The following GNAI3 variants were observed in gnomAD, a reference collection of about 807,000 sequenced individuals.
GNAI3 encodes the protein G protein subunit alpha i3.
Under a neutral mutation model 41.8 loss-of-function variants are expected in GNAI3, and 12 were observed. The ratio of observed to expected loss-of-function variants is 0.29; its 90% CI spans 0.18 to 0.47. The LOEUF (loss-of-function observed/expected upper bound fraction) is 0.47. Among genes scored for constraint, GNAI3 ranks in the 20% least tolerant of loss-of-function variants. The probability of loss-of-function intolerance (pLI) is 1.00; values close to 1 mark genes in which losing one functional copy is unlikely to be tolerated. For synonymous variants in GNAI3, 132 were observed against 146.5 expected (o/e 0.90, Z 0.71); for missense variants, 360 against 429.6 (o/e 0.84, Z 1.43).
At chr1:109,577,972 A>T (rs1648792860) in intron 3 of GNAI3, among the ~76,000 whole-genome samples, 1 of 152,126 alleles carries the variant, frequency 6.6e-6, no homozygotes. Flanking sequence ...ATACTTTTTA[A>T]ATTTTTTATT....
rs950445209 is a variant in GNAI3, at chr1:109,596,966, G to GT, written c.*4647dup. The GT allele has an allele frequency of 6.6e-6, 1 of 152,134 alleles. No individual in the cohort carries two copies. The highest frequency in any genetic ancestry group is 2.4e-5 in the African/African-American group (1 of 41,432). The allele number at this position is 152,134 out of a possible 1,614,324, so 9.4% of individuals were successfully genotyped here. On this transcript the variant is annotated 3_prime_UTR_variant, in exon 9 of 9. Coordinates refer to ENST00000369851, the MANE Select transcript of GNAI3 (RefSeq NM_006496.4). ...ATCCAAATCTCTTGGGACCAGAAGT[G>GT]TTTGAGAGTTCAGATTTTTGTGAGG...
At chr1:109,572,145 A>C (rs1392674381) in intron 1 of GNAI3, among the ~76,000 whole-genome samples, 1 of 151,838 alleles carries the variant, frequency 6.6e-6, no homozygotes, top group African/African-American at 2.4e-5. Flanking sequence ...CCCTGTCTCT[A>C]CTAAAAATAC....
At chr1:109,581,331 C>T (rs903830701) in intron 4 of GNAI3, among the ~76,000 whole-genome samples, 5 of 150,816 alleles carry the variant, frequency 3.3e-5, no homozygotes, top group African/African-American at 4.9e-5. Flanking sequence ...TGAAAGAAAA[C>T]GGAAAATATT....
At chr1:109,568,021 A>G (rs925700017) in intron 1 of GNAI3, among the ~76,000 whole-genome samples, 4 of 151,686 alleles carry the variant, frequency 2.6e-5, no homozygotes, top group African/African-American at 9.7e-5. Flanking sequence ...AATTTTTAAA[A>G]TCAGTCTGTA....
At chr1:109,589,662 C>T (rs1327738289) in intron 7 of GNAI3, among the ~76,000 whole-genome samples, 1 of 151,992 alleles carries the variant, frequency 6.6e-6, no homozygotes, top group East Asian at 1.9e-4. Context: ...ATTACTTACC[C>T]AAGAAAAGGA....
At chr1:109,557,054 G>A (rs1330647037) in intron 1 of GNAI3, among the ~76,000 whole-genome samples, 5 of 152,158 alleles carry the variant, frequency 3.3e-5, no homozygotes, top group Non-Finnish European at 7.4e-5. Flanking sequence ...TCATGCCTCA[G>A]CCTTCTGCGT....
intron 1 of GNAI3, among the ~76,000 whole-genome samples, chr1:109,557,804 T>C (rs1340107004): frequency 6.6e-6 from 1 of 152,182 alleles, no homozygotes; most frequent in African/African-American, 2.4e-5. Flanking sequence ...CCTTGTCATC[T>C]GCCAACCACA....
intron 1 of GNAI3, among the ~76,000 whole-genome samples, chr1:109,561,595 C>T (rs1648312458): frequency 6.6e-6 from 1 of 152,110 alleles, no homozygotes; most frequent in African/African-American, 2.4e-5. Flanking sequence ...CATTTATTAA[C>T]TTAGTTTCTA....
At chr1:109,551,341 C>G (rs1647979108) in intron 1 of GNAI3, among the ~76,000 whole-genome samples, 1 of 152,152 alleles carries the variant, frequency 6.6e-6, no homozygotes, top group South Asian at 2.1e-4. Context: ...AAACAGTATA[C>G]AGTTTTCTTT....
At position 109,596,050 on chromosome 1, in the gene GNAI3, A is replaced by G. The variant is rs778246817; in HGVS notation, c.*3728A>G. ...ACCTGGATCAGCCTCAGCTCTTTAC[A>G]TAGCTTTATGATCATCATATTTTGT... On this transcript the variant is annotated 3_prime_UTR_variant, in exon 9 of 9. Transcript: ENST00000369851. The G allele has an allele frequency of 1.2e-4, 18 of 152,316 alleles. No homozygotes were observed. Among genetic ancestry groups the G allele is most frequent in the Admixed American group, 3.9e-4 (6 of 15,298 alleles). 9.4% of individuals were successfully genotyped at this position (152,316 alleles called of 1,614,324 possible).
intron 7 of GNAI3, among the ~76,000 whole-genome samples, chr1:109,587,675 G>A (rs1001018881): frequency 7.9e-5 from 12 of 152,134 alleles, no homozygotes; most frequent in African/African-American, 2.7e-4. Flanking sequence ...AACTCATGGA[G>A]GGCCTTATAT....
chr1:109,572,310 AAAT>A (rs369477506), intron 1 of GNAI3, among the ~76,000 whole-genome samples: 3 of 151,942 alleles, frequency 2.0e-5, no homozygotes, highest in South Asian at 2.1e-4. Flanking sequence ...ACTCCATCTC[AAAT>A]AATAATAATA....
chr1:109,556,685 C>T (rs1244633186), intron 1 of GNAI3, among the ~76,000 whole-genome samples: 2 of 152,122 alleles, frequency 1.3e-5, no homozygotes, highest in Non-Finnish European at 2.9e-5. Flanking sequence ...TGTTTCAGTA[C>T]CAGCATTCTC....
In GNAI3 at chr1:109,600,161, A is replaced by G. The variant is rs1400513755; in HGVS notation, c.*7839A>G. 2.6e-5 allele frequency: 4 copies of G among 152,118 alleles called. No homozygotes were observed. In the East Asian group the frequency reaches 7.7e-4, roughly 29 times the overall value. The allele number at this position is 152,118 out of a possible 1,614,324, so 9.4% of individuals were successfully genotyped here. On this transcript the variant is annotated 3_prime_UTR_variant, in exon 9 of 9. Transcript: ENST00000369851. ...AAAAAAAAACTTGATGGCTTAAAGT[A>G]AATAAAAATTCAACAGTACGGTGTA...
intron 1 of GNAI3, among the ~76,000 whole-genome samples, chr1:109,550,369 G>T (rs1647949676): frequency 6.6e-6 from 1 of 152,198 alleles, no homozygotes; most frequent in African/African-American, 2.4e-5. Flanking sequence ...TCAAATTGTA[G>T]TTCTAGACTG....
chr1:109,581,039 A>C (rs1648876818), intron 4 of GNAI3, among the ~76,000 whole-genome samples: 1 of 152,226 alleles, frequency 6.6e-6, no homozygotes, highest in Admixed American at 6.5e-5. Flanking sequence ...AAAGCTCTGA[A>C]TCCTCTAACT....
chr1:109,586,674 C>T (rs1649039791), intron 6 of GNAI3, 55 bp from the exon 7 acceptor site: 1 of 1,308,262 alleles, frequency 7.6e-7, no homozygotes, highest in African/African-American at 1.5e-5. Flanking sequence ...TTTTCATTAA[C>T]TTAATCCACT....
chr1:109,567,023 CT>C (rs1648475663), intron 1 of GNAI3, among the ~76,000 whole-genome samples: 3 of 151,946 alleles, frequency 2.0e-5, no homozygotes, highest in Admixed American at 6.6e-5. Flanking sequence ...TTTTTCTTTC[CT>C]GTTGTAAATG....
chr1:109,550,755 A>C (rs1571144587), intron 1 of GNAI3, among the ~76,000 whole-genome samples: 1 of 152,064 alleles, frequency 6.6e-6, no homozygotes, highest in Admixed American at 6.6e-5. Flanking sequence ...GGATGGTCTC[A>C]ATCTCCTGAC....
Sources: gnomAD v4.1 joint callset for allele counts (sites outside exome capture counted in the v4.1 genomes callset) on GRCh38, gnomAD v4.1.1 for gene constraint, MANE v1.5 for transcripts, NCBI Gene and HGNC (gene_info 2026-07-23, HGNC 2026-07-21) for gene names.